Variants in TRPM3 observed in about 807,000 individuals in gnomAD.
TRPM3 encodes the protein long transient receptor potential channel 3.
TRPM3 carries 77 observed loss-of-function variants against 181.2 expected under a neutral mutation model. That is an observed-to-expected ratio of 0.42 (90% CI 0.35 to 0.51). The LOEUF (loss-of-function observed/expected upper bound fraction) is 0.51, where lower values mean the gene tolerates loss of function less well. Ranked by LOEUF, TRPM3 falls within the 20% of genes least tolerant of loss-of-function variation. TRPM3 has a pLI of 0.01. For missense variants in TRPM3, 1,759 were observed against 2,196.7 expected, an observed-to-expected ratio of 0.80 and a Z score of 3.98; for synonymous variants, 745 against 796.4, an observed-to-expected ratio of 0.94 and a Z score of 1.09.
chr9:70,671,372 T>TG (rs1325466071), intron 9 of TRPM3, among the ~76,000 whole-genome samples: 2 of 152,008 alleles, frequency 1.3e-5, no homozygotes, highest in Non-Finnish European at 2.9e-5. Context: ...AGGAGCCTAG[T>TG]GGGGAAAGCC....
At chr9:70,885,736 T>C (rs2096072883) in intron 1 of TRPM3, among the ~76,000 whole-genome samples, 1 of 152,222 alleles carries the variant, frequency 6.6e-6, no homozygotes, top group Admixed American at 6.5e-5. Flanking sequence ...AGTTTTCTAA[T>C]TAACTCCTTC....
chr9:71,035,209 A>T (rs2058043767), intron 1 of TRPM3, among the ~76,000 whole-genome samples: 4 of 152,204 alleles, frequency 2.6e-5, no homozygotes, highest in Admixed American at 6.5e-5. Flanking sequence ...TCATCAAGTA[A>T]CCAGCAATTT....
intron 9 of TRPM3, among the ~76,000 whole-genome samples, chr9:70,657,804 C>T (rs145135934): frequency 0.01 from 1,529 of 152,162 alleles, 22 homozygotes; most frequent in African/African-American, 0.035. Flanking sequence ...TGGTAGAAGA[C>T]GCCGATCAAA....
intron 1 of TRPM3, among the ~76,000 whole-genome samples, chr9:71,354,437 T>C (rs1022182554): frequency 2.2e-4 from 34 of 152,344 alleles, no homozygotes; most frequent in South Asian, 1.7e-3. Flanking sequence ...CAAGCTTCGA[T>C]GGGACCCGCT....
At chr9:71,095,892 C>CA (rs1217525623) in intron 1 of TRPM3, among the ~76,000 whole-genome samples, 2 of 151,828 alleles carry the variant, frequency 1.3e-5, no homozygotes, top group African/African-American at 4.8e-5. Context: ...CAGATAGCTA[C>CA]CAGAGACAGA....
At chr9:71,264,235 A>C (rs977283248) in intron 1 of TRPM3, among the ~76,000 whole-genome samples, 2 of 152,196 alleles carry the variant, frequency 1.3e-5, no homozygotes, top group African/African-American at 2.4e-5. Flanking sequence ...AAAAGGGCCA[A>C]GAGCTGAGGA....
At chr9:70,992,616 G>T (rs993434970) in intron 1 of TRPM3, among the ~76,000 whole-genome samples, 7 of 152,180 alleles carry the variant, frequency 4.6e-5, no homozygotes, top group African/African-American at 1.7e-4. Context: ...CCATATGTGT[G>T]TACTGAGCAC....
Position 70,681,499 on chromosome 9 carries a change from C to T in TRPM3, c.1345+7G>A. ...TTTTCACACTCTCTGGACACAGACTCTTTTACCTTTGAGTAAAGCTGTCAG... is the reference window on the plus strand; with the variant it reads ...TTTTCACACTCTCTGGACACAGACTTTTTTACCTTTGAGTAAAGCTGTCAG... On this transcript the variant is annotated splice_region_variant and intron_variant, in intron 9 of 25. Transcript: ENST00000677713. 6.2e-7 allele frequency: 1 copy of T among 1,613,080 alleles called. No individual in the cohort carries two copies. The highest frequency in any genetic ancestry group is 1.1e-5 in the South Asian group (1 of 91,038).
At chr9:70,800,589 C>G (rs1279520363) in intron 6 of TRPM3, among the ~76,000 whole-genome samples, 1 of 152,188 alleles carries the variant, frequency 6.6e-6, no homozygotes, top group African/African-American at 2.4e-5. Context: ...TCTCAGCCTA[C>G]TCGGTATGAA....
At chr9:70,695,683 A>G (rs529964317) in intron 8 of TRPM3, among the ~76,000 whole-genome samples, 1 of 152,344 alleles carries the variant, frequency 6.6e-6, no homozygotes, top group South Asian at 2.1e-4. Flanking sequence ...TGACAACATT[A>G]CTAATGGTCA....
intron 1 of TRPM3, among the ~76,000 whole-genome samples, chr9:71,067,764 T>C (rs754573766): frequency 6.6e-6 from 1 of 152,224 alleles, no homozygotes; most frequent in Non-Finnish European, 1.5e-5. Context: ...GGGCTCTTAC[T>C]TGGTCACCTT....
intron 1 of TRPM3, among the ~76,000 whole-genome samples, chr9:70,956,408 T>C (rs1373491979): frequency 6.8e-6 from 1 of 147,130 alleles, no homozygotes; most frequent in Non-Finnish European, 1.5e-5. Flanking sequence ...ATATATGTAA[T>C]CTACAATAAG....
chr9:71,162,793 G>T (rs1409904867), intron 1 of TRPM3, among the ~76,000 whole-genome samples: 1 of 152,122 alleles, frequency 6.6e-6, no homozygotes, highest in Admixed American at 6.5e-5. Flanking sequence ...GTAAGAGACA[G>T]GAAAGTAAAC....
At chr9:70,635,159 AC>A in intron 12 of TRPM3, 51 bp downstream of exon 12, 1 of 1,545,024 alleles carries the variant, frequency 6.5e-7, no homozygotes, top group Non-Finnish European at 8.9e-7. Context: ...CTCTCTAATC[AC>A]AGGAAGCAGT....
intron 1 of TRPM3, among the ~76,000 whole-genome samples, chr9:70,982,410 A>G (rs73470209): frequency 0.032 from 4,860 of 152,222 alleles, 266 homozygotes; most frequent in African/African-American, 0.11. Flanking sequence ...TGACCTAGAC[A>G]ACAGTCTTCA....
intron 1 of TRPM3, among the ~76,000 whole-genome samples, chr9:70,887,821 C>A (rs2096117671): frequency 6.6e-6 from 1 of 152,108 alleles, no homozygotes; most frequent in Non-Finnish European, 1.5e-5. Flanking sequence ...AGCACAAAGA[C>A]TTTAATTTGG....
chr9:70,934,835 A>T (rs1344579431), intron 1 of TRPM3, among the ~76,000 whole-genome samples: 1 of 152,086 alleles, frequency 6.6e-6, no homozygotes, highest in African/African-American at 2.4e-5. Flanking sequence ...AGGACCTGTT[A>T]TTTAATGAAT....
At chr9:71,349,121 G>T (rs1012029754) in intron 1 of TRPM3, among the ~76,000 whole-genome samples, 1 of 152,140 alleles carries the variant, frequency 6.6e-6, no homozygotes, top group African/African-American at 2.4e-5. Context: ...TCTGAAGATT[G>T]CCTGCTCCAA....
rs532322685 is a variant in TRPM3, at chr9:70,531,634, G to A, written c.*4319C>T. 2 of 152,192 alleles carry A rather than the reference G, an allele frequency of 1.3e-5. No homozygotes were observed. The highest frequency in any genetic ancestry group is 3.9e-4 in the East Asian group (2 of 5,176). The allele number at this position is 152,192 out of a possible 1,614,324, so 9.4% of individuals were successfully genotyped here. A position where few individuals can be genotyped will look rare whatever the true frequency, so the allele number is the denominator to read the frequency against. On this transcript the variant is annotated 3_prime_UTR_variant, in exon 26 of 26. Coordinates refer to ENST00000677713, the MANE Select transcript of TRPM3 (RefSeq NM_001366145.2). ...TATCACTTTATCTAGAAACAACATA[G>A]TGTTACTAAATGAACATATTTATAA...
Sources: gnomAD v4.1 joint callset for allele counts (sites outside exome capture counted in the v4.1 genomes callset) on GRCh38, gnomAD v4.1.1 for gene constraint, MANE v1.5 for transcripts, NCBI Gene and HGNC (gene_info 2026-07-23, HGNC 2026-07-21) for gene names.